Variants in TDRD1 observed in about 807,000 individuals in gnomAD.
TDRD1 encodes the protein tudor domain-containing protein 1.
In TDRD1, 37 loss-of-function variants were observed where a neutral mutation model predicts 140.6. The observed-to-expected ratio is 0.26, with a 90% CI of 0.20 to 0.35. The LOEUF (loss-of-function observed/expected upper bound fraction) is 0.35. Among genes scored for constraint, TDRD1 ranks in the 10% least tolerant of loss-of-function variants. The probability of loss-of-function intolerance (pLI) is 1.00; values close to 1 mark genes in which losing one functional copy is unlikely to be tolerated. For missense variants in TDRD1, 1,243 were observed against 1,393.0 expected, an observed-to-expected ratio of 0.89 and a Z score of 1.71; for synonymous variants, 506 against 475.7, an observed-to-expected ratio of 1.06 and a Z score of -0.83.
chr10:114,201,203 G>T lies in TDRD1; in HGVS notation c.530-207G>T, dbSNP rs575590348. ...ATTCTGAGGTCTATTAGGAAACTCA[G>T]TTATGTGTCCCAGTCTGATCTCCCT... On this transcript the variant is annotated intron_variant, in intron 4 of 25. Coordinates refer to ENST00000251864, the Ensembl canonical transcript of TDRD1. 2.6e-5 allele frequency among the ~76,000 whole-genome samples: 4 copies of T among 152,234 alleles called. No individual in the cohort carries two copies. The East Asian group carries it at 7.7e-4, about 29-fold the overall frequency.
rs915050941 is a variant in TDRD1 at position 114,203,055 on chromosome 10, G to A, written c.697-17G>A. 4 of 1,552,646 alleles carry A rather than the reference G, an allele frequency of 2.6e-6. No individual in the cohort carries two copies. The African/African-American group carries it at 5.4e-5, about 21-fold the overall frequency. Reference sequence around the variant, plus strand: ...GTGCTTTTAAGTAACTCACTTCTGTGGTATTTTTCAAACCAGAGTGACTGT... The same window carrying A: ...GTGCTTTTAAGTAACTCACTTCTGTAGTATTTTTCAAACCAGAGTGACTGT... On this transcript the variant is annotated splice_polypyrimidine_tract_variant and intron_variant, in intron 6 of 25. Coordinates refer to ENST00000251864, the Ensembl canonical transcript of TDRD1.
chr10:114,218,611 C>T (rs756017713), intron 18 of TDRD1, 27 bp downstream of exon 18: 1 of 1,508,788 alleles, frequency 6.6e-7, no homozygotes, highest in Non-Finnish European at 9.0e-7. Context: ...GAAACTTTCT[C>T]AACTTTCTAA....
rs2033736597 is a variant in TDRD1 at position 114,188,756 on chromosome 10, C to T, written c.325+600C>T. The stretch of plus-strand genomic sequence containing the variant: ...CCTGTAGTCCCAGCTACTTGAGAGG[C>T]TGAGGCAGGAGAATCGCTTGAACCT... On this transcript the variant is annotated intron_variant, in intron 2 of 25. Transcript: ENST00000251864. Among the ~76,000 whole-genome samples, 3 of 151,882 alleles carry T rather than the reference C, an allele frequency of 2.0e-5. No individual in the cohort carries two copies. In the South Asian group the frequency reaches 6.2e-4, roughly 32 times the overall value.
At chr10:114,213,484 A>G in exon 15 of TDRD1, 1 of 1,614,070 alleles carries the variant, frequency 6.2e-7, no homozygotes, top group Non-Finnish European at 8.5e-7. Context: ...GATAAATCCG[A>G]GACGCCTCAT....
intron 16 of TDRD1, 108 bp downstream of exon 16, chr10:114,214,222 C>A: frequency 1.1e-6 from 1 of 913,680 alleles, no homozygotes; most frequent in South Asian, 1.9e-5. Flanking sequence ...CCAAGAAGAG[C>A]CAAGTGGTAT....
chr10:114,194,287 C>T (rs566364487), intron 3 of TDRD1, among the ~76,000 whole-genome samples: 1 of 152,214 alleles, frequency 6.6e-6, no homozygotes, highest in African/African-American at 2.4e-5. Flanking sequence ...CTTCTCTAAA[C>T]ATTTGGTAGA....
At chr10:114,190,861 A>C (rs2033910994) in intron 2 of TDRD1, 100 bp from the exon 3 acceptor site, 2 of 1,119,352 alleles carry the variant, frequency 1.8e-6, no homozygotes, top group Non-Finnish European at 2.7e-6. Flanking sequence ...ATTGTGGTAT[A>C]GCCCTGTTAC....
intron 25 of TDRD1, among the ~76,000 whole-genome samples, chr10:114,229,806 T>A (rs1201233524): frequency 1.4e-5 from 2 of 141,988 alleles, no homozygotes; most frequent in Non-Finnish European, 3.0e-5. Flanking sequence ...CAAGTCACTA[T>A]ATATATATAT....
chr10:114,231,246 A>G (rs1284932327), intron 25 of TDRD1, among the ~76,000 whole-genome samples: 1 of 152,194 alleles, frequency 6.6e-6, no homozygotes, highest in East Asian at 1.9e-4. Flanking sequence ...TATCTTTTAT[A>G]TATAAGGAGA....
exon 26 of TDRD1, chr10:114,231,601 T>C: frequency 2.5e-6 from 3 of 1,177,848 alleles, no homozygotes; most frequent in Non-Finnish European, 3.6e-6. Context: ...CTTTGTCCAC[T>C]TTCTCTGTAA....
At chr10:114,208,157 G>A (rs1372726684) in intron 11 of TDRD1, among the ~76,000 whole-genome samples, 1 of 152,220 alleles carries the variant, frequency 6.6e-6, no homozygotes, top group Non-Finnish European at 1.5e-5. Flanking sequence ...TTGACTGCTG[G>A]TGAAGAGGTA....
chr10:114,210,555 T>C, intron 11 of TDRD1, 26 bp from the exon 12 acceptor site: 1 of 1,543,152 alleles, frequency 6.5e-7, no homozygotes, highest in Non-Finnish European at 8.7e-7. Context: ...ACAAAATGGC[T>C]TATTTTTCTG....
In TDRD1 at chr10:114,183,928, G is replaced by A. The variant is rs377662523; in HGVS notation, c.-6-3898G>A. ...CCGTGCCTTTTTTGCTATTTTGAAC[G>A]GGACATTTTTATATATGGCATTTTT... On this transcript the variant is annotated intron_variant, in intron 1 of 25. Coordinates refer to ENST00000251864, the Ensembl canonical transcript of TDRD1. Among the ~76,000 whole-genome samples the A allele has an allele frequency of 6.6e-5, 10 of 151,830 alleles. No homozygotes were observed. In the South Asian group the frequency reaches 2.1e-3, roughly 32 times the overall value.
chr10:114,223,817 A>C (rs2036285547), intron 21 of TDRD1, among the ~76,000 whole-genome samples: 1 of 152,154 alleles, frequency 6.6e-6, no homozygotes. Context: ...AAATTCCCTC[A>C]AAGAACACAA....
chr10:114,192,891 G>T (rs984094898), intron 3 of TDRD1, among the ~76,000 whole-genome samples: 1 of 152,074 alleles, frequency 6.6e-6, no homozygotes. Context: ...CCTTTTGCTT[G>T]ATTTTTCTTT....
At chr10:114,177,150 C>T (rs1386986341), upstream of TDRD1, among the ~76,000 whole-genome samples, 1 of 152,098 alleles carries the variant, frequency 6.6e-6, no homozygotes, top group Non-Finnish European at 1.5e-5. Flanking sequence ...GGAGAAGAGA[C>T]AAATCTCCCA....
At chr10:114,218,670 C>T (rs642602) in intron 18 of TDRD1, 86 bp downstream of exon 18, 180,972 of 978,466 alleles carry the variant, frequency 0.18, 17,116 homozygotes, top group Admixed American at 0.25. Flanking sequence ...GTTAACATTT[C>T]GTGTGAGTTA....
At chr10:114,184,132 A>G (rs1448751177) in intron 1 of TDRD1, among the ~76,000 whole-genome samples, 1 of 151,678 alleles carries the variant, frequency 6.6e-6, no homozygotes, top group Admixed American at 6.6e-5. Flanking sequence ...TTTTAATTGC[A>G]CCCACTAGGC....
chr10:114,221,372 A>G, exon 20 of TDRD1: 1 of 1,613,350 alleles, frequency 6.2e-7, no homozygotes, highest in South Asian at 1.1e-5. Context: ...TCTTCAGCTG[A>G]GCAATGGAAG....
Sources: gnomAD v4.1 joint callset for allele counts (sites outside exome capture counted in the v4.1 genomes callset) on GRCh38, gnomAD v4.1.1 for gene constraint, MANE v1.5 for transcripts, NCBI Gene and HGNC (gene_info 2026-07-23, HGNC 2026-07-21) for gene names.